The following PDC variants were observed in gnomAD, a reference collection of about 807,000 sequenced individuals.
PDC encodes the protein 33 kDa phototransducing protein.
PDC carries 19 observed loss-of-function variants against 22.2 expected under a neutral mutation model. The ratio of observed to expected loss-of-function variants is 0.86; its 90% CI spans 0.60 to 1.26. PDC has a LOEUF of 1.26. Among genes scored for constraint, PDC ranks in the 50% most tolerant of loss-of-function variants. The pLI is 0.00. For synonymous variants in PDC, 97 were observed against 96.2 expected, an observed-to-expected ratio of 1.01 and a Z score of -0.05; for missense variants, 274 against 286.8, an observed-to-expected ratio of 0.96 and a Z score of 0.32.
chr1:186,446,054 ATG>A (rs1662220974), intron 3 of PDC, among the ~76,000 whole-genome samples: 1 of 152,172 alleles, frequency 6.6e-6, no homozygotes, highest in African/African-American at 2.4e-5. Flanking sequence ...AATAGTGATT[ATG>A]TGTTACATTT....
intron 1 of PDC, among the ~76,000 whole-genome samples, chr1:186,458,325 A>T (rs575730008): frequency 8.9e-4 from 135 of 151,210 alleles, no homozygotes; most frequent in Middle Eastern, 3.4e-3. Context: ...GGGACAAAAA[A>T]TTAGGGAACT....
chr1:186,452,171 CTG>C (rs975168993), intron 1 of PDC, among the ~76,000 whole-genome samples: 100 of 152,322 alleles, frequency 6.6e-4, no homozygotes, highest in African/African-American at 2.3e-3. Flanking sequence ...CCAACTCACT[CTG>C]GGGTTTTCTG....
At chr1:186,448,492 A>G (rs1239656071) in intron 2 of PDC, 1 of 154,758 alleles carries the variant, frequency 6.5e-6, no homozygotes, top group East Asian at 1.9e-4. Flanking sequence ...AATTTGTTAA[A>G]TGCTTTTTGA....
rs373180007 is a variant in PDC at position 186,444,101 on chromosome 1, G to A, written c.619C>T (p.Gln207Ter). Residue 207 changes from glutamine (Q) to a stop codon, truncating the protein, a stop_gained, in exon 4 of 4, where the codon CAG (glutamine) becomes TAG (stop). Transcript: ENST00000391997. LOFTEE classifies it high-confidence loss of function. ...CCAGCAAAAAATTCTTCAGCAAACT[G>A]TTCAGCAACACTAATAAAATTGCTT... is the stretch of plus-strand genomic sequence containing the variant. Reference protein sequence around the residue: ...LISNFISVAEQFAEEFFAGDV... With the variant: ...LISNFISVAE 1 of 1,613,796 alleles carries A rather than the reference G, an allele frequency of 6.2e-7. No homozygotes were observed. Among genetic ancestry groups the A allele is most frequent in the Non-Finnish European group, 8.5e-7 (1 of 1,179,880 alleles).
intron 2 of PDC, among the ~76,000 whole-genome samples, chr1:186,447,585 G>T (rs1415732993): frequency 6.6e-6 from 1 of 151,844 alleles, no homozygotes; most frequent in Non-Finnish European, 1.5e-5. Context: ...ATATTAAACT[G>T]ACTATCCTTC....
intron 3 of PDC, 51 bp downstream of exon 3, chr1:186,446,370 TTTAGA>T: frequency 7.6e-7 from 1 of 1,310,182 alleles, no homozygotes; most frequent in Non-Finnish European, 1.1e-6. Context: ...TCTAGATTGA[TTTAGA>T]TTAGAAAACA....
rs140546553 is a variant in PDC, at chr1:186,450,836, G to T, written c.-24-1353C>A. ...ATACATACTAACATATTCCCTCAGG[G>T]GTCCATATAGTTGTGATTTTCCTGA... is the stretch of plus-strand genomic sequence containing the variant. On this transcript the variant is annotated intron_variant, in intron 1 of 3. Transcript: ENST00000391997. 9.7e-4 allele frequency among the ~76,000 whole-genome samples: 148 copies of T among 152,032 alleles called. 3 individuals are homozygous for T. The highest frequency in any genetic ancestry group is 3.5e-3 in the African/African-American group (147 of 41,468).
chr1:186,457,722 G>A (rs879797710), intron 1 of PDC, among the ~76,000 whole-genome samples: 2 of 152,062 alleles, frequency 1.3e-5, no homozygotes, highest in Non-Finnish European at 2.9e-5. Context: ...ATTTTGGGAC[G>A]CATGAGTGGA....
At position 186,461,112 on chromosome 1, in the gene PDC, A is replaced by G. The variant is rs1214637990; in HGVS notation, c.-78T>C. 2.6e-5 allele frequency: 4 copies of G among 154,740 alleles called. No homozygotes were observed. The highest frequency in any genetic ancestry group is 2.0e-4 in the South Asian group (1 of 4,926). 9.6% of individuals were successfully genotyped at this position (154,740 alleles called of 1,614,324 possible). On this transcript the variant is annotated 5_prime_UTR_variant, in exon 1 of 4. Coordinates refer to ENST00000391997, the MANE Select transcript of PDC (RefSeq NM_002597.5). Reference sequence around the variant, plus strand: ...GTTGAGTGGGTGAGAATCCCTGTCTACTGAACTCGTCTTGAACTTCAATAG... The same window carrying G: ...GTTGAGTGGGTGAGAATCCCTGTCTGCTGAACTCGTCTTGAACTTCAATAG...
At chr1:186,447,568 A>G (rs539575362) in intron 2 of PDC, among the ~76,000 whole-genome samples, 119 of 152,310 alleles carry the variant, frequency 7.8e-4, no homozygotes, top group African/African-American at 2.7e-3. Context: ...ATTCTTTAAA[A>G]CAAGGAATAT....
intron 1 of PDC, among the ~76,000 whole-genome samples, chr1:186,455,797 TA>T (rs71104862): frequency 0.023 from 922 of 39,350 alleles, 25 homozygotes; most frequent in African/African-American, 0.086. Flanking sequence ...CCGTCTCTAC[TA>T]AAAAAAAAAA....
At chr1:186,444,837 A>G (rs989633217) in intron 3 of PDC, among the ~76,000 whole-genome samples, 1 of 152,164 alleles carries the variant, frequency 6.6e-6, no homozygotes, top group Admixed American at 6.5e-5. Flanking sequence ...AGCTTTTCCT[A>G]CTATTTGGAG....
intron 1 of PDC, among the ~76,000 whole-genome samples, chr1:186,450,574 C>T (rs1662333496): frequency 6.6e-6 from 1 of 151,978 alleles, no homozygotes; most frequent in Non-Finnish European, 1.5e-5. Flanking sequence ...CTCAAGTGAT[C>T]CTCCCATCTT....
At chr1:186,449,149 A>G (rs1218913453) in intron 2 of PDC, among the ~76,000 whole-genome samples, 1 of 151,930 alleles carries the variant, frequency 6.6e-6, no homozygotes, top group African/African-American at 2.4e-5. Flanking sequence ...AGGTCTTGTG[A>G]TAGCTGGGCA....
At chr1:186,444,714 C>T (rs1662185118) in intron 3 of PDC, among the ~76,000 whole-genome samples, 1 of 152,070 alleles carries the variant, frequency 6.6e-6, no homozygotes, top group South Asian at 2.1e-4. Flanking sequence ...CTAAAAAGGT[C>T]CCCATCTCAC....
chr1:186,452,343 T>A (rs1445065685), intron 1 of PDC, among the ~76,000 whole-genome samples: 1 of 152,156 alleles, frequency 6.6e-6, no homozygotes, highest in Non-Finnish European at 1.5e-5. Context: ...GGTTCAAGAA[T>A]TCTTGTGCCT....
Position 186,443,955 on chromosome 1 carries a change from A to C in PDC, c.*24T>G. The C allele has an allele frequency of 6.5e-7, 1 of 1,545,036 alleles. No homozygotes were observed. The highest frequency in any genetic ancestry group is 8.9e-7 in the Non-Finnish European group (1 of 1,123,862). Reference sequence around the variant, plus strand: ...ATCATCCAATACCTAAAGGATAAACATGAGATATTGACATAGTGAATCTTC... The same window carrying C: ...ATCATCCAATACCTAAAGGATAAACCTGAGATATTGACATAGTGAATCTTC... On this transcript the variant is annotated 3_prime_UTR_variant, in exon 4 of 4. Coordinates refer to ENST00000391997, the MANE Select transcript of PDC (RefSeq NM_002597.5).
chr1:186,459,652 A>G (rs546827250), intron 1 of PDC, among the ~76,000 whole-genome samples: 98 of 150,912 alleles, frequency 6.5e-4, no homozygotes, highest in African/African-American at 2.2e-3. Flanking sequence ...GTATTTGGGC[A>G]GAAATTGTCA....
Position 186,446,489 on chromosome 1 carries a change from G to C in PDC, c.150C>G (p.Leu50=). 1 of 1,607,358 alleles carries C rather than the reference G, an allele frequency of 6.2e-7. No homozygotes were observed. The highest frequency in any genetic ancestry group is 8.5e-7 in the Non-Finnish European group (1 of 1,174,910). The change falls in exon 3 of 4, where the codon CTC becomes CTG. Residue 50 remains leucine (L), a synonymous_variant. Transcript: ENST00000391997. The part of the protein sequence containing the change: ...DSIPPSKKEI[L]RQMSSPQSRN... ...TACTCTGAGGAGAAGACATTTGCCT[G>C]AGAATCTCCTTCTTGCTAGGTGGAA...
Sources: gnomAD v4.1 joint callset for allele counts (sites outside exome capture counted in the v4.1 genomes callset) on GRCh38, gnomAD v4.1.1 for gene constraint, MANE v1.5 for transcripts, NCBI Gene and HGNC (gene_info 2026-07-23, HGNC 2026-07-21) for gene names.